Variants in SGIP1 observed in about 807,000 individuals in gnomAD.
SGIP1 encodes the protein SH3GL interacting endocytic adaptor 1.
A neutral mutation model predicts 107.5 loss-of-function variants in SGIP1; 38 were observed. The ratio of observed to expected loss-of-function variants is 0.35; its 90% CI spans 0.27 to 0.46. SGIP1 has a LOEUF of 0.46. Among genes scored for constraint, SGIP1 ranks in the 20% least tolerant of loss-of-function variants. The pLI, the probability that SGIP1 is intolerant of heterozygous loss-of-function variation, is 1.00. For missense variants in SGIP1, 929 were observed against 1,019.5 expected, an observed-to-expected ratio of 0.91 and a Z score of 1.21; for synonymous variants, 365 against 366.1, an observed-to-expected ratio of 1.00 and a Z score of 0.03.
At chr1:66,629,565 G>T (rs2073784168) in intron 2 of SGIP1, among the ~76,000 whole-genome samples, 1 of 151,802 alleles carries the variant, frequency 6.6e-6, no homozygotes, top group Non-Finnish European at 1.5e-5. Context: ...AATCCAGACA[G>T]ATAGGAGGGT....
At chr1:66,668,086 T>C (rs985690609) in intron 9 of SGIP1, among the ~76,000 whole-genome samples, 3 of 152,198 alleles carry the variant, frequency 2.0e-5, no homozygotes, top group African/African-American at 7.2e-5. Flanking sequence ...TATCACATAA[T>C]TCTAAATAAA....
intron 19 of SGIP1, among the ~76,000 whole-genome samples, chr1:66,721,877 C>T (rs573584850): frequency 1.6e-4 from 24 of 152,248 alleles, no homozygotes; most frequent in East Asian, 3.9e-4. Flanking sequence ...TCCCTTCTTC[C>T]GCTTTTGCAC....
rs1246859145 is a variant in SGIP1 at position 66,746,264 on chromosome 1, G to C, written c.*3169G>C. The C allele has an allele frequency of 1.3e-5, 2 of 152,142 alleles. 1 individual carries two copies. The highest frequency in any genetic ancestry group is 2.9e-5 in the Non-Finnish European group (2 of 67,990). 9.4% of individuals were successfully genotyped at this position (152,142 alleles called of 1,614,324 possible). ...TCTCATCTTTAGAATGGGGAGTTGGGATTGCCAGTGGTTTTCAAGCTTTTC... is the reference window on the plus strand; with the variant it reads ...TCTCATCTTTAGAATGGGGAGTTGGCATTGCCAGTGGTTTTCAAGCTTTTC... On this transcript the variant is annotated 3_prime_UTR_variant, in exon 25 of 25. Coordinates refer to ENST00000371037, the MANE Select transcript of SGIP1 (RefSeq NM_032291.4).
chr1:66,695,624 C>A, intron 18 of SGIP1, 131 bp downstream of exon 18: 1 of 792,010 alleles, frequency 1.3e-6, no homozygotes, highest in Non-Finnish European at 1.9e-6. Context: ...GCTATGGCTA[C>A]TTAGAAAATA....
chr1:66,709,215 G>A (rs2092741701), intron 18 of SGIP1, among the ~76,000 whole-genome samples: 1 of 129,624 alleles, frequency 7.7e-6, no homozygotes, highest in Non-Finnish European at 1.6e-5. Flanking sequence ...AGTGTGTGAT[G>A]TTCCCCTGCC....
At chr1:66,652,570 A>C (rs1328224018) in intron 7 of SGIP1, among the ~76,000 whole-genome samples, 1 of 152,064 alleles carries the variant, frequency 6.6e-6, no homozygotes, top group Admixed American at 6.5e-5. Context: ...GAGGAGGGGG[A>C]AATAGCTTTG....
At chr1:66,679,234 G>GC (rs1425300815) in intron 13 of SGIP1, among the ~76,000 whole-genome samples, 2 of 152,120 alleles carry the variant, frequency 1.3e-5, no homozygotes, top group African/African-American at 4.8e-5. Context: ...CCTCACAGGA[G>GC]CCCCCACCCA....
At chr1:66,561,796 TTA>T (rs1358572096) in intron 1 of SGIP1, among the ~76,000 whole-genome samples, 1 of 152,052 alleles carries the variant, frequency 6.6e-6, no homozygotes, top group Non-Finnish European at 1.5e-5. Context: ...CAGAGGCCTT[TTA>T]TTCAAATGGA....
At chr1:66,639,214 G>T (rs1437033255) in intron 4 of SGIP1, among the ~76,000 whole-genome samples, 4 of 151,926 alleles carry the variant, frequency 2.6e-5, no homozygotes, top group African/African-American at 7.2e-5. Context: ...AAAGCCATTT[G>T]AAAAAAACAT....
rs7526812 is a variant in SGIP1, at chr1:66,643,652, A to G, written c.392A>G (p.Lys131Arg). 291,353 of 1,611,088 alleles carry G rather than the reference A, an allele frequency of 0.18. 29,263 individuals are homozygous for G. Among genetic ancestry groups the G allele is most frequent in the African/African-American group, 0.38 (28,369 of 74,760 alleles). The part of the protein sequence containing the change: ...IKPLQSKDIL[K>R]NAATVDELKA... ...CCATTGCAATCTAAAGACATTCTTA[A>G]GAATGCTGCAACTGTAGATGAATTG... The change falls in exon 7 of 25, where the codon AAG becomes AGG. Residue 131 changes from lysine (K) to arginine (R), a missense_variant. Physicochemically the swap from Lys to Arg is conservative, Grantham distance 26 (BLOSUM62 2). Transcript: ENST00000371037.
chr1:66,748,282 TAA>T lies in SGIP1; in HGVS notation c.*5191_*5192del, dbSNP rs1488807083. On this transcript the variant is annotated 3_prime_UTR_variant, in exon 25 of 25. Transcript: ENST00000371037. Reference sequence around the variant, plus strand: ...GTACATTGCTTAAGTCTCTAAATATTAAAAACAACAACAAAACACTTGCCTTT... The same window carrying T: ...GTACATTGCTTAAGTCTCTAAATATTAAACAACAACAAAACACTTGCCTTT... 2 of 151,974 alleles carry T rather than the reference TAA, an allele frequency of 1.3e-5. No individual in the cohort carries two copies. The highest frequency in any genetic ancestry group is 4.8e-5 in the African/African-American group (2 of 41,446). 9.4% of individuals were successfully genotyped at this position (151,974 alleles called of 1,614,324 possible). A position where few individuals can be genotyped will look rare whatever the true frequency, so the allele number is the denominator to read the frequency against.
In SGIP1 at chr1:66,660,242, AG is replaced by A. The variant is rs1380247956; in HGVS notation, c.460-268del. ...GAAAGAAAGAAAGAGGGAGGGAGGG[AG>A]GGAGGGAGGAAGGAAGGGAGGAAAG... On this transcript the variant is annotated intron_variant, in intron 7 of 24. Coordinates refer to ENST00000371037, the MANE Select transcript of SGIP1 (RefSeq NM_032291.4). 30 of 355,230 alleles carry A rather than the reference AG, an allele frequency of 8.4e-5. 3 individuals are homozygous for A. Among genetic ancestry groups the A allele is most frequent in the East Asian group, 4.3e-4 (9 of 20,906 alleles). The allele number at this position is 355,230 out of a possible 1,614,324, so 22.0% of individuals were successfully genotyped here.
chr1:66,640,859 T>C (rs1368147070), intron 5 of SGIP1, among the ~76,000 whole-genome samples: 1 of 148,896 alleles, frequency 6.7e-6, no homozygotes, highest in Non-Finnish European at 1.5e-5. Flanking sequence ...AAATGGTGAG[T>C]TTCAGACATA....
chr1:66,670,295 G>C (rs1033308446), intron 9 of SGIP1, among the ~76,000 whole-genome samples: 1 of 152,202 alleles, frequency 6.6e-6, no homozygotes, highest in African/African-American at 2.4e-5. Flanking sequence ...ATAAAAACTG[G>C]AGATGACCTG....
At chr1:66,667,475 G>T (rs2082834548) in intron 8 of SGIP1, 55 bp from the exon 9 acceptor site, 1 of 1,557,512 alleles carries the variant, frequency 6.4e-7, no homozygotes, top group African/African-American at 1.4e-5. Context: ...ACTGTTGACT[G>T]ATCCATCATT....
chr1:66,637,455 T>TGTG (rs2076007913), intron 4 of SGIP1, among the ~76,000 whole-genome samples: 13 of 38,476 alleles, frequency 3.4e-4, no homozygotes, highest in African/African-American at 1.9e-3. Context: ...GTGTGTGTGT[T>TGTG]TGTGTGTGTG....
At chr1:66,717,666 C>A (rs1220726885) in intron 18 of SGIP1, among the ~76,000 whole-genome samples, 1 of 152,130 alleles carries the variant, frequency 6.6e-6, no homozygotes, top group Admixed American at 6.6e-5. Flanking sequence ...AGAGTCTAAG[C>A]TTTGAACTCA....
chr1:66,684,657 G>A (rs2150034595), intron 15 of SGIP1, among the ~76,000 whole-genome samples: 1 of 152,316 alleles, frequency 6.6e-6, no homozygotes, highest in South Asian at 2.1e-4. Context: ...TCTTTATCAG[G>A]AGTAGAGAGG....
intron 1 of SGIP1, among the ~76,000 whole-genome samples, chr1:66,574,414 T>C (rs2060777617): frequency 6.6e-6 from 1 of 152,162 alleles, no homozygotes; most frequent in South Asian, 2.1e-4. Context: ...TCCTCCCTTA[T>C]TGGTGCTTAT....
Sources: allele counts gnomAD v4.1 joint callset (sites outside exome capture counted in the v4.1 genomes callset), GRCh38; gene constraint gnomAD v4.1.1; transcripts MANE v1.5; gene names NCBI Gene and HGNC (gene_info 2026-07-23, HGNC 2026-07-21).